Variants in HP1BP3 observed in about 807,000 individuals in gnomAD.
The protein encoded by HP1BP3 is heterochromatin protein 1-binding protein 3.
HP1BP3 carries 12 observed loss-of-function variants against 62.5 expected under a neutral mutation model. That is an observed-to-expected ratio of 0.19 (90% CI 0.12 to 0.31). The LOEUF (loss-of-function observed/expected upper bound fraction) is 0.31. Among genes scored for constraint, HP1BP3 ranks in the 10% least tolerant of loss-of-function variants. HP1BP3 has a pLI of 1.00. For missense variants in HP1BP3, 502 were observed against 651.8 expected, an observed-to-expected ratio of 0.77 and a Z score of 2.50; for synonymous variants, 260 against 237.8, an observed-to-expected ratio of 1.09 and a Z score of -0.86.
chr1:20,762,254 C>A (rs1228721277), intron 8 of HP1BP3, among the ~76,000 whole-genome samples: 3 of 152,162 alleles, frequency 2.0e-5, no homozygotes, highest in Non-Finnish European at 4.4e-5. Context: ...GAGAAAAGGT[C>A]TTCAGGTTCA....
chr1:20,747,555 G>T lies in HP1BP3; in HGVS notation c.1242C>A (p.Pro414=). The T allele has an allele frequency of 6.2e-7, 1 of 1,602,954 alleles. No homozygotes were observed. The highest frequency in any genetic ancestry group is 8.5e-7 in the Non-Finnish European group (1 of 1,170,828). The change falls in exon 11 of 13, where the codon CCC becomes CCA. Residue 414 remains proline, a synonymous_variant. Coordinates refer to ENST00000438032, the MANE Select transcript of HP1BP3 (RefSeq NM_001372052.1). The part of the protein sequence containing the change: ...GFSGTFQLCF[P]YYPSPGVLFP... ...GGCTAAGTACTTACCTGGGATAATA[G>T]GGAAAACAGAGCTGGAAGGTGCCAC...
At chr1:20,748,829 GTTAC>G (rs2055518352) in intron 10 of HP1BP3, among the ~76,000 whole-genome samples, 1 of 151,562 alleles carries the variant, frequency 6.6e-6, no homozygotes, top group Admixed American at 6.6e-5. Context: ...GTCTTCTTCT[GTTAC>G]TTAATTTCCA....
intron 1 of HP1BP3, among the ~76,000 whole-genome samples, chr1:20,784,476 C>CTTT (rs368306686): frequency 8.2e-4 from 102 of 124,498 alleles, no homozygotes; most frequent in African/African-American, 2.2e-3. Context: ...TGTGTTTTCC[C>CTTT]TTTTTTTTTT....
intron 10 of HP1BP3, among the ~76,000 whole-genome samples, chr1:20,749,453 G>A (rs1389963141): frequency 6.6e-6 from 1 of 151,250 alleles, no homozygotes; most frequent in Non-Finnish European, 1.5e-5. Context: ...CCACCTCCTG[G>A]GTTCATGCGT....
At chr1:20,758,811 C>T (rs2056287963) in intron 8 of HP1BP3, among the ~76,000 whole-genome samples, 1 of 151,660 alleles carries the variant, frequency 6.6e-6, no homozygotes. Context: ...ACTACACCAG[C>T]TAATTTTTGT....
chr1:20,745,663 G>T lies in HP1BP3; in HGVS notation c.1254-7C>A. On this transcript the variant is annotated splice_region_variant and splice_polypyrimidine_tract_variant and intron_variant, in intron 11 of 12. Coordinates refer to ENST00000438032, the MANE Select transcript of HP1BP3 (RefSeq NM_001372052.1). ...CGGAAACAGAACTCCTGGGCTATACGGGGAAAAATTAGATTAAAACACAAG... is the reference window on the plus strand; with the variant it reads ...CGGAAACAGAACTCCTGGGCTATACTGGGAAAAATTAGATTAAAACACAAG... 1 of 1,611,966 alleles carries T rather than the reference G, an allele frequency of 6.2e-7. No homozygotes were observed. The highest frequency in any genetic ancestry group is 8.5e-7 in the Non-Finnish European group (1 of 1,179,042).
chr1:20,762,478 T>C (rs537276312), intron 8 of HP1BP3, among the ~76,000 whole-genome samples: 1 of 151,764 alleles, frequency 6.6e-6, no homozygotes, highest in Admixed American at 6.6e-5. Flanking sequence ...GAAAAGAAAA[T>C]AAATCTTGGG....
rs1291211533 is a variant in HP1BP3 at position 20,779,883 on chromosome 1, C to T, written c.125G>A (p.Arg42His). 9 of 1,613,382 alleles carry T rather than the reference C, an allele frequency of 5.6e-6. No homozygotes were observed. Among genetic ancestry groups the T allele is most frequent in the African/African-American group, 4.0e-5 (3 of 75,002 alleles). ...EKVEDSTMPI[R>H]RTVNSTRETP... ...TTCCCGGGTAGAATTCACAGTTCGA[C>T]GAATCGGCATGGTGCTATCTTCTAC... Residue 42 changes from arginine to histidine, a missense_variant, in exon 3 of 13, where the codon CGT becomes CAT. Arg to His is a conservative substitution (Grantham distance 29, BLOSUM62 0). This residue lies in a region of HP1BP3 where 165 missense variants were observed against 156.4 expected (regional missense o/e 1.05). Coordinates refer to ENST00000438032, the MANE Select transcript of HP1BP3 (RefSeq NM_001372052.1).
intron 1 of HP1BP3, among the ~76,000 whole-genome samples, chr1:20,785,285 A>G (rs1169752829): frequency 6.6e-6 from 1 of 152,234 alleles, no homozygotes; most frequent in African/African-American, 2.4e-5. Context: ...GTTTTAATTT[A>G]TTTCCTCTAC....
At chr1:20,778,842 T>C (rs978557421) in intron 3 of HP1BP3, among the ~76,000 whole-genome samples, 1 of 151,612 alleles carries the variant, frequency 6.6e-6, no homozygotes, top group African/African-American at 2.4e-5. Context: ...CAGGCTGGAA[T>C]ACAATGGCGT....
intron 8 of HP1BP3, among the ~76,000 whole-genome samples, chr1:20,761,456 GA>G (rs1355817297): frequency 3.3e-5 from 5 of 152,308 alleles, no homozygotes; most frequent in African/African-American, 9.6e-5. Context: ...TCAGCACATG[GA>G]AGGATAATAT....
intron 5 of HP1BP3, among the ~76,000 whole-genome samples, chr1:20,771,816 G>A (rs2057074080): frequency 6.6e-6 from 1 of 152,154 alleles, no homozygotes; most frequent in Admixed American, 6.5e-5. Context: ...AGTAGCATCT[G>A]TCATTTATCT....
At position 20,767,650 on chromosome 1, in the gene HP1BP3, AC is replaced by A. The variant is rs751546132; in HGVS notation, c.668del (p.Gly223ValfsTer35). The A allele has an allele frequency of 6.2e-7, 1 of 1,606,654 alleles. No individual in the cohort carries two copies. Among genetic ancestry groups the A allele is most frequent in the African/African-American group, 1.3e-5 (1 of 74,526 alleles). ...GAACCACAACAAAACTTCCAGAAGC[AC>A]CTTTTCCTTTAACCTAAAGTAAATT... ...RGVIKQVKGK[G>X]ASGSFVVVQK... On this transcript the variant is annotated frameshift_variant, in exon 7 of 13. Coordinates refer to ENST00000438032, the MANE Select transcript of HP1BP3 (RefSeq NM_001372052.1). LOFTEE classifies it high-confidence loss of function.
At position 20,743,668 on chromosome 1, in the gene HP1BP3, A is replaced by G. The variant is rs966309821; in HGVS notation, c.*1129T>C. Reference sequence around the variant, plus strand: ...AGAGCGAGACTCTGTCTCAAAAATAATAATAATAATAAAAAATAAAAAAGA... The same window carrying G: ...AGAGCGAGACTCTGTCTCAAAAATAGTAATAATAATAAAAAATAAAAAAGA... On this transcript the variant is annotated 3_prime_UTR_variant, in exon 13 of 13. Transcript: ENST00000438032. 1 of 152,038 alleles carries G rather than the reference A, an allele frequency of 6.6e-6. No homozygotes were observed. The highest frequency in any genetic ancestry group is 1.5e-5 in the Non-Finnish European group (1 of 68,020). The allele number at this position is 152,038 out of a possible 1,614,324, so 9.4% of individuals were successfully genotyped here.
rs2055133329 is a variant in HP1BP3 at position 20,743,167 on chromosome 1, CA to C, written c.*1629del. The C allele has an allele frequency of 6.7e-6, 1 of 149,794 alleles. No homozygotes were observed. The highest frequency in any genetic ancestry group is 6.7e-5 in the Admixed American group (1 of 14,966). The allele number at this position is 149,794 out of a possible 1,614,324, so 9.3% of individuals were successfully genotyped here. A position where few individuals can be genotyped will look rare whatever the true frequency, so the allele number is the denominator to read the frequency against. Reference sequence around the variant, plus strand: ...AAAAAGGAAGCCACTTGCTTGATATCAAAAGTGCTGTGGAAAGAAAGGAGGG... The same window carrying C: ...AAAAAGGAAGCCACTTGCTTGATATCAAAGTGCTGTGGAAAGAAAGGAGGG... On this transcript the variant is annotated 3_prime_UTR_variant, in exon 13 of 13. Coordinates refer to ENST00000438032, the MANE Select transcript of HP1BP3 (RefSeq NM_001372052.1).
intron 1 of HP1BP3, among the ~76,000 whole-genome samples, chr1:20,780,782 GC>G (rs2057508462): frequency 6.6e-6 from 1 of 152,068 alleles, no homozygotes; most frequent in Non-Finnish European, 1.5e-5. Context: ...GACAACAAGG[GC>G]AAGGAAGCTC....
chr1:20,749,945 A>G (rs2055604777), intron 9 of HP1BP3, 63 bp from the exon 10 acceptor site: 5 of 1,568,230 alleles, frequency 3.2e-6, no homozygotes, highest in Non-Finnish European at 4.3e-6. Context: ...GGTCAAGACA[A>G]GACTCCTCTG....
In HP1BP3 at chr1:20,749,763, A is replaced by G. The variant is rs1228264378; in HGVS notation, c.1101T>C (p.Tyr367=). 6.2e-7 allele frequency: 1 copy of G among 1,613,854 alleles called. No individual in the cohort carries two copies. Among genetic ancestry groups the G allele is most frequent in the East Asian group, 2.2e-5 (1 of 44,880 alleles). The stretch of plus-strand genomic sequence containing the variant: ...TGGTTCCTGGGTGATTCTCTAGGAC[A>G]TACTTCTTCAGAGCAGTGGTAGAGC... ...KTCSTTALKK[Y]VLENHPGTNS... is the part of the protein sequence containing the mutation. The change falls in exon 10 of 13, where the codon TAT becomes TAC. Residue 367 remains tyrosine (Y), a synonymous_variant. Transcript: ENST00000438032.
At chr1:20,747,395 C>A in intron 11 of HP1BP3, 149 bp downstream of exon 11, 1 of 561,406 alleles carries the variant, frequency 1.8e-6, no homozygotes, top group Admixed American at 3.6e-5. Flanking sequence ...TTTGGGTATG[C>A]GGGCAGTTCT....
Sources: allele counts gnomAD v4.1 joint callset (sites outside exome capture counted in the v4.1 genomes callset), GRCh38; gene constraint gnomAD v4.1.1; regional missense constraint gnomAD v4.1.1; transcripts MANE v1.5; gene names NCBI Gene and HGNC (gene_info 2026-07-23, HGNC 2026-07-21).